MNAT1: variants seen among roughly 807,000 people sequenced by gnomAD.
MNAT1 encodes the protein CDK-activating kinase assembly factor MAT1.
In MNAT1, 43 loss-of-function variants were observed where a neutral mutation model predicts 42.0. That is an observed-to-expected ratio of 1.02 (90% CI 0.80 to 1.32). The LOEUF (loss-of-function observed/expected upper bound fraction) is 1.32, where lower values mean the gene tolerates loss of function less well. Among genes scored for constraint, MNAT1 ranks in the 40% most tolerant of loss-of-function variants. The probability of loss-of-function intolerance (pLI) is 0.00; values close to 1 mark genes in which losing one functional copy is unlikely to be tolerated. For missense variants in MNAT1, 306 were observed against 350.4 expected (o/e 0.87, Z 1.01); for synonymous variants, 118 against 120.0 (o/e 0.98, Z 0.11).
At position 60,812,081 on chromosome 14, in the gene MNAT1, A is replaced by T; in HGVS notation, c.515A>T (p.Gln172Leu). The stretch of plus-strand genomic sequence containing the variant: ...TTTATACAAAAAGAAGAACAACTGC[A>T]GCAGATTCTAAAAAGGAAGAATAAG... ...RLFIQKEEQL[Q>L]QILKRKNKQA... The change falls in exon 5 of 8, where the codon CAG (glutamine) becomes CTG (leucine). Residue 172 changes from glutamine to leucine, a missense_variant. By Grantham distance (113) the Gln-to-Leu change is moderately radical (BLOSUM62 -2). Coordinates refer to ENST00000261245, the MANE Select transcript of MNAT1 (RefSeq NM_002431.4). The T allele has an allele frequency of 1.3e-6, 2 of 1,595,768 alleles. No individual in the cohort carries two copies. The highest frequency in any genetic ancestry group is 1.7e-6 in the Non-Finnish European group (2 of 1,173,078).
At chr14:60,853,867 G>T (rs909647013) in intron 6 of MNAT1, among the ~76,000 whole-genome samples, 55 of 152,180 alleles carry the variant, frequency 3.6e-4, no homozygotes, top group Admixed American at 7.9e-4. Context: ...TGTGTATGTT[G>T]AACCAGCCTT....
intron 7 of MNAT1, among the ~76,000 whole-genome samples, chr14:60,951,614 C>T (rs1594905416): frequency 6.6e-6 from 1 of 152,174 alleles, no homozygotes; most frequent in African/African-American, 2.4e-5. Context: ...CCTTTCCTTG[C>T]CGTATGGCAG....
At chr14:60,849,339 G>A (rs1283772698) in intron 6 of MNAT1, among the ~76,000 whole-genome samples, 1 of 152,126 alleles carries the variant, frequency 6.6e-6, no homozygotes, top group Admixed American at 6.5e-5. Context: ...AATATATTTG[G>A]AGGATTGCAA....
intron 7 of MNAT1, among the ~76,000 whole-genome samples, chr14:60,886,909 G>A (rs1033345102): frequency 2.0e-5 from 3 of 152,050 alleles, no homozygotes; most frequent in Non-Finnish European, 4.4e-5. Flanking sequence ...TATGTTGAAT[G>A]TAATTGATGA....
chr14:60,916,414 G>A (rs2035515040), intron 7 of MNAT1, among the ~76,000 whole-genome samples: 1 of 152,186 alleles, frequency 6.6e-6, no homozygotes, highest in Non-Finnish European at 1.5e-5. Flanking sequence ...CAGCACTTTG[G>A]GAGGCCAAGG....
chr14:60,820,486 G>T (rs965419323), intron 6 of MNAT1, among the ~76,000 whole-genome samples: 1 of 149,816 alleles, frequency 6.7e-6, no homozygotes, highest in African/African-American at 2.5e-5. Context: ...ATAAGATCTG[G>T]CTTACAGTCT....
chr14:60,907,511 A>G (rs1486510674), intron 7 of MNAT1, among the ~76,000 whole-genome samples: 2 of 151,032 alleles, frequency 1.3e-5, no homozygotes, highest in East Asian at 2.0e-4. Context: ...AAAGTTTTCA[A>G]TTGTGGGGAC....
intron 1 of MNAT1, among the ~76,000 whole-genome samples, chr14:60,737,939 C>T (rs1896353254): frequency 6.6e-6 from 1 of 151,318 alleles, no homozygotes; most frequent in Non-Finnish European, 1.5e-5. Flanking sequence ...AGCTCCGCCT[C>T]CCGGGTTCAC....
rs139318799 is a variant in MNAT1 at position 60,760,183 on chromosome 14, T to C, written c.89+25232T>C. 6.1e-3 allele frequency among the ~76,000 whole-genome samples: 932 copies of C among 152,306 alleles called. 12 individuals carry two copies. The highest frequency in any genetic ancestry group is 0.02 in the African/African-American group (847 of 41,564). On this transcript the variant is annotated intron_variant, in intron 1 of 7. Transcript: ENST00000261245. ...AATTTGCAGAAATGGAATCATACTA[T>C]ACCTTTACCTTTTTTTTTCAGTTAG...
At chr14:60,911,854 G>A (rs1286221748) in intron 7 of MNAT1, among the ~76,000 whole-genome samples, 3 of 151,916 alleles carry the variant, frequency 2.0e-5, no homozygotes, top group Non-Finnish European at 4.4e-5. Flanking sequence ...GTGCAGAGCT[G>A]AGTTCAATTC....
At chr14:60,878,005 T>C (rs1242313907) in intron 6 of MNAT1, among the ~76,000 whole-genome samples, 1 of 152,092 alleles carries the variant, frequency 6.6e-6, no homozygotes, top group African/African-American at 2.4e-5. Context: ...GATATTTATG[T>C]GGCACAACTT....
intron 1 of MNAT1, among the ~76,000 whole-genome samples, chr14:60,788,247 C>CAGTA (rs2140319843): frequency 6.6e-6 from 1 of 152,186 alleles, no homozygotes; most frequent in Admixed American, 6.5e-5. Context: ...TGTCAATGGG[C>CAGTA]AGTAACATTT....
intron 7 of MNAT1, among the ~76,000 whole-genome samples, chr14:60,943,931 GA>G (rs1013859016): frequency 9.9e-5 from 15 of 152,196 alleles, no homozygotes; most frequent in African/African-American, 2.9e-4. Context: ...CATTATCATA[GA>G]ATTCTTAAGT....
At chr14:60,845,445 A>C (rs76846583) in intron 6 of MNAT1, among the ~76,000 whole-genome samples, 1 of 152,070 alleles carries the variant, frequency 6.6e-6, no homozygotes, top group Non-Finnish European at 1.5e-5. Flanking sequence ...ATTTTTAGCA[A>C]ATTCCCAGCA....
At chr14:60,965,434 A>G (rs2036663990) in intron 7 of MNAT1, among the ~76,000 whole-genome samples, 2 of 152,202 alleles carry the variant, frequency 1.3e-5, no homozygotes, top group South Asian at 4.1e-4. Context: ...AAAAGATGCA[A>G]CTGTTTTGAA....
At chr14:60,928,101 C>T (rs1365238266) in intron 7 of MNAT1, among the ~76,000 whole-genome samples, 2 of 152,148 alleles carry the variant, frequency 1.3e-5, no homozygotes, top group African/African-American at 2.4e-5. Flanking sequence ...CTATTCTAGA[C>T]ATGTGATACA....
chr14:60,873,485 T>C (rs1410272082), intron 6 of MNAT1, among the ~76,000 whole-genome samples: 1 of 152,178 alleles, frequency 6.6e-6, no homozygotes, highest in South Asian at 2.1e-4. Context: ...TATGTTTTAT[T>C]TGAGACAAGA....
In MNAT1 at chr14:60,824,883, T is replaced by A. The variant is rs755484828; in HGVS notation, c.687+6036T>A. On this transcript the variant is annotated intron_variant, in intron 6 of 7. Coordinates refer to ENST00000261245, the MANE Select transcript of MNAT1 (RefSeq NM_002431.4). ...TTGAACCAAATGCTGAATATTGTTA[T>A]AAGTATTCTGTCACATACTTAAGTT... 1.1e-3 allele frequency among the ~76,000 whole-genome samples: 165 copies of A among 152,204 alleles called. 2 individuals carry two copies. Among genetic ancestry groups the A allele is most frequent in the Non-Finnish European group, 5.6e-4 (38 of 68,012 alleles).
At chr14:60,928,472 A>G (rs994157958) in intron 7 of MNAT1, among the ~76,000 whole-genome samples, 1 of 152,208 alleles carries the variant, frequency 6.6e-6, no homozygotes, top group Admixed American at 6.5e-5. Flanking sequence ...TTACATTCCT[A>G]CTGGCATGAG....
Sources: allele counts gnomAD v4.1 joint callset (sites outside exome capture counted in the v4.1 genomes callset), GRCh38; gene constraint gnomAD v4.1.1; transcripts MANE v1.5; gene names NCBI Gene and HGNC (gene_info 2026-07-23, HGNC 2026-07-21).